The following NCOR2 variants were observed in gnomAD, a reference collection of about 807,000 sequenced individuals.
NCOR2 encodes CTG repeat protein 26.
A neutral mutation model predicts 262.9 loss-of-function variants in NCOR2; 81 were observed. The observed-to-expected ratio is 0.31, with a 90% CI of 0.26 to 0.37. The LOEUF is 0.37. NCOR2 is among the 10% of genes least tolerant of loss of function. The pLI, the probability that NCOR2 is intolerant of heterozygous loss-of-function variation, is 1.00. For synonymous variants in NCOR2, 1,659 were observed against 1,559.3 expected, an observed-to-expected ratio of 1.06 and a Z score of -1.51; for missense variants, 3,385 against 3,621.4, an observed-to-expected ratio of 0.93 and a Z score of 1.68.
chr12:124,327,668 T>C (rs1258458811), intron 44 of NCOR2, 35 bp from the exon 47 acceptor site: 2 of 1,339,858 alleles, frequency 1.5e-6, no homozygotes, highest in Non-Finnish European at 2.0e-6. Context: ...GACAGACACA[T>C]GGGGGCCGGG....
intron 1 of NCOR2, among the ~76,000 whole-genome samples, chr12:124,554,157 C>T (rs1173909063): frequency 6.6e-6 from 1 of 152,248 alleles, no homozygotes; most frequent in Non-Finnish European, 1.5e-5. Flanking sequence ...ACCGAGGGCA[C>T]GACAAAACGC....
chr12:124,398,921 C>T (rs1294396779), intron 15 of NCOR2, among the ~76,000 whole-genome samples: 1 of 152,228 alleles, frequency 6.6e-6, no homozygotes, highest in Non-Finnish European at 1.5e-5. Flanking sequence ...GTGGCTGCAT[C>T]TCTGCAGTGG....
chr12:124,426,127 C>T (rs1387517449), intron 11 of NCOR2, among the ~76,000 whole-genome samples: 1 of 152,364 alleles, frequency 6.6e-6, no homozygotes, highest in East Asian at 1.9e-4. Context: ...GCTGCCCTTA[C>T]ACTTTGTACC....
At chr12:124,484,553 G>C (rs1272711306) in intron 2 of NCOR2, among the ~76,000 whole-genome samples, 1 of 152,178 alleles carries the variant, frequency 6.6e-6, no homozygotes, top group Non-Finnish European at 1.5e-5. Context: ...ATCCACAGCT[G>C]TTCCCCTCCT....
Position 124,333,412 on chromosome 12 carries a change from C to T in NCOR2, c.6606-133G>A, listed in dbSNP as rs74654593. ...AAATCATAAACGTTTTAGGCATTTT[C>T]GACCACAAGTAATCTCTGGCATGTA... is the stretch of plus-strand genomic sequence containing the variant. On this transcript the variant is annotated intron_variant, in intron 41 of 46. Transcript: ENST00000405201. 3,399 of 734,186 alleles carry T rather than the reference C, an allele frequency of 4.6e-3. 106 individuals are homozygous for T. In the African/African-American group the frequency reaches 0.056, roughly 12 times the overall value. The allele number at this position is 734,186 out of a possible 1,614,324, so 45.5% of individuals were successfully genotyped here.
intron 1 of NCOR2, among the ~76,000 whole-genome samples, chr12:124,547,327 T>C (rs994381563): frequency 1.3e-5 from 2 of 152,182 alleles, no homozygotes; most frequent in African/African-American, 4.8e-5. Flanking sequence ...GTTGTTAATC[T>C]CTCACTGTGC....
chr12:124,515,334 C>G (rs949889228), intron 1 of NCOR2, among the ~76,000 whole-genome samples: 2 of 151,454 alleles, frequency 1.3e-5, no homozygotes, highest in Non-Finnish European at 2.9e-5. Context: ...TGCCACTGCA[C>G]TGCACTCCAG....
intron 18 of NCOR2, among the ~76,000 whole-genome samples, chr12:124,375,097 G>A (rs1043171542): frequency 1.3e-5 from 2 of 152,238 alleles, no homozygotes; most frequent in African/African-American, 2.4e-5. Context: ...TGCAGATGAG[G>A]AAATGGAGGC....
intron 7 of NCOR2, among the ~76,000 whole-genome samples, chr12:124,445,823 G>A (rs779479978): frequency 1.3e-5 from 2 of 152,270 alleles, no homozygotes; most frequent in South Asian, 4.1e-4. Context: ...TTTGTCGAAT[G>A]AATGAGTCTG....
At chr12:124,507,997 C>T (rs1026788122) in intron 1 of NCOR2, among the ~76,000 whole-genome samples, 1 of 152,224 alleles carries the variant, frequency 6.6e-6, no homozygotes, top group African/African-American at 2.4e-5. Context: ...CAGGGTAGAT[C>T]CCTGGAGGCA....
chr12:124,430,808 C>G, intron 8 of NCOR2, 21 bp from the exon 11 acceptor site: 1 of 1,585,066 alleles, frequency 6.3e-7, no homozygotes. Flanking sequence ...GCAGGGGGCA[C>G]TGCGGAAGAT....
At chr12:124,390,363 CA>C (rs1039552700) in intron 16 of NCOR2, among the ~76,000 whole-genome samples, 1 of 152,190 alleles carries the variant, frequency 6.6e-6, no homozygotes, top group Non-Finnish European at 1.5e-5. Flanking sequence ...GCCTTTGCAC[CA>C]GCTGCTCCTG....
chr12:124,426,923 CAAG>C (rs950498319), intron 10 of NCOR2, 123 bp from the exon 13 acceptor site: 5 of 850,942 alleles, frequency 5.9e-6, no homozygotes, highest in African/African-American at 3.4e-5. Context: ...AACGCGAAAC[CAAG>C]GAGAAGGAGA....
intron 11 of NCOR2, among the ~76,000 whole-genome samples, chr12:124,423,109 C>T (rs997717558): frequency 1.3e-5 from 2 of 152,172 alleles, no homozygotes; most frequent in East Asian, 1.9e-4. Flanking sequence ...AGTCGGAGGG[C>T]GGTGGCGGGT....
intron 1 of NCOR2, among the ~76,000 whole-genome samples, chr12:124,533,214 G>A (rs1162537875): frequency 6.6e-6 from 1 of 151,536 alleles, no homozygotes; most frequent in Non-Finnish European, 1.5e-5. Flanking sequence ...CTGCCTAGTG[G>A]GGGGCCCCCA....
At chr12:124,442,770 C>G (rs2044891567) in intron 7 of NCOR2, among the ~76,000 whole-genome samples, 1 of 152,150 alleles carries the variant, frequency 6.6e-6, no homozygotes. Flanking sequence ...CAAAACATGA[C>G]CTCATTTGGA....
intron 13 of NCOR2, among the ~76,000 whole-genome samples, chr12:124,413,605 G>A (rs998346498): frequency 2.6e-5 from 4 of 152,080 alleles, no homozygotes; most frequent in South Asian, 2.1e-4. Context: ...CACGGGCACC[G>A]CGCCAGGACC....
At chr12:124,396,015 C>T (rs1344492680) in intron 16 of NCOR2, among the ~76,000 whole-genome samples, 3 of 152,214 alleles carry the variant, frequency 2.0e-5, no homozygotes, top group Non-Finnish European at 2.9e-5. Context: ...TATTATTCAG[C>T]CGTACAAAGC....
At chr12:124,332,983 G>T in intron 42 of NCOR2, 147 bp downstream of exon 44, 3 of 1,065,564 alleles carry the variant, frequency 2.8e-6, no homozygotes, top group Non-Finnish European at 3.9e-6. Flanking sequence ...CCCCCAAGTT[G>T]GTGAAACCTG....
Sources: allele counts gnomAD v4.1 joint callset (sites outside exome capture counted in the v4.1 genomes callset), GRCh38; gene constraint gnomAD v4.1.1; transcripts MANE v1.5; gene names NCBI Gene and HGNC (gene_info 2026-07-23, HGNC 2026-07-21).